The following C3orf70 variants were observed in gnomAD, a reference collection of about 807,000 sequenced individuals.
C3orf70 encodes the protein chromosome 3 open reading frame 70.
C3orf70 carries 15 observed loss-of-function variants against 20.7 expected under a neutral mutation model. The observed-to-expected ratio is 0.72, with a 90% confidence interval of 0.48 to 1.11. C3orf70 has a LOEUF of 1.11. C3orf70 is among the 50% of genes most tolerant of loss of function. The pLI is 0.00. For missense variants in C3orf70, 332 were observed against 317.6 expected (o/e 1.05, Z -0.34); for synonymous variants, 161 against 125.7 (o/e 1.28, Z -1.88).
intron 1 of C3orf70, among the ~76,000 whole-genome samples, chr3:185,105,173 T>C (rs1057390885): frequency 3.3e-5 from 5 of 152,244 alleles, no homozygotes; most frequent in Admixed American, 6.5e-5. Flanking sequence ...ATAGGTTAAG[T>C]AGATGTTAGG....
rs1715305941 is a variant in C3orf70, at chr3:185,080,353, T to C, written c.*2654A>G. 1 of 152,662 alleles carries C rather than the reference T, an allele frequency of 6.6e-6. No homozygotes were observed. The highest frequency in any genetic ancestry group is 6.5e-5 in the Admixed American group (1 of 15,284). 9.5% of individuals were successfully genotyped at this position (152,662 alleles called of 1,614,324 possible). A position where few individuals can be genotyped will look rare whatever the true frequency, so the allele number is the denominator to read the frequency against. On this transcript the variant is annotated 3_prime_UTR_variant, in exon 2 of 2. Coordinates refer to ENST00000335012, the MANE Select transcript of C3orf70 (RefSeq NM_001025266.3). ...TCAGGAGTCTAAAAAAACAGGAACC[T>C]AGACAGAAGTCTTAGATGGTACTGA...
At chr3:185,121,495 A>G (rs560732493) in intron 1 of C3orf70, among the ~76,000 whole-genome samples, 18 of 152,352 alleles carry the variant, frequency 1.2e-4, no homozygotes, top group African/African-American at 4.3e-4. Context: ...TTATTATAGC[A>G]TGAGAGGCTG....
chr3:185,137,559 T>C (rs987987587), intron 1 of C3orf70, among the ~76,000 whole-genome samples: 3 of 151,992 alleles, frequency 2.0e-5, no homozygotes, highest in Non-Finnish European at 4.4e-5. Flanking sequence ...CCTCAACAAT[T>C]TCAAAAGAAT....
intron 1 of C3orf70, among the ~76,000 whole-genome samples, chr3:185,145,017 G>A (rs1716828855): frequency 6.6e-6 from 1 of 152,188 alleles, no homozygotes; most frequent in Non-Finnish European, 1.5e-5. Flanking sequence ...TTCAAACACA[G>A]GTGCTCTTTG....
At chr3:185,124,821 TAA>T (rs1389451360) in intron 1 of C3orf70, among the ~76,000 whole-genome samples, 2 of 152,132 alleles carry the variant, frequency 1.3e-5, no homozygotes, top group African/African-American at 2.4e-5. Flanking sequence ...TAAAAAAAAT[TAA>T]AAAGTTTTTT....
At chr3:185,138,353 C>T (rs1418165483) in intron 1 of C3orf70, among the ~76,000 whole-genome samples, 1 of 151,756 alleles carries the variant, frequency 6.6e-6, no homozygotes, top group African/African-American at 2.4e-5. Flanking sequence ...ACCAGTTCTG[C>T]ACATTTTCAT....
chr3:185,106,754 C>G (rs990790721), intron 1 of C3orf70, among the ~76,000 whole-genome samples: 8 of 152,210 alleles, frequency 5.3e-5, no homozygotes, highest in African/African-American at 1.9e-4. Context: ...GCCTGGGGAA[C>G]CCCCCGCAAA....
intron 1 of C3orf70, among the ~76,000 whole-genome samples, chr3:185,103,715 G>A (rs927709610): frequency 6.6e-6 from 1 of 152,142 alleles, no homozygotes; most frequent in Admixed American, 6.5e-5. Context: ...CCTCGGAGAA[G>A]CAGCCTGCCT....
chr3:185,103,126 T>TC (rs1715854961), intron 1 of C3orf70, among the ~76,000 whole-genome samples: 1 of 152,084 alleles, frequency 6.6e-6, no homozygotes, highest in Non-Finnish European at 1.5e-5. Context: ...CTGCCTGTAA[T>TC]CCCAGCTACT....
intron 1 of C3orf70, among the ~76,000 whole-genome samples, chr3:185,140,859 T>G (rs1716736175): frequency 6.7e-6 from 1 of 149,622 alleles, no homozygotes; most frequent in African/African-American, 2.5e-5. Context: ...TCCCAGCTAC[T>G]TGGGAGGCTG....
chr3:185,143,511 TG>T (rs574253936), intron 1 of C3orf70, among the ~76,000 whole-genome samples: 5 of 152,030 alleles, frequency 3.3e-5, no homozygotes, highest in Admixed American at 2.0e-4. Context: ...CAGATACAGC[TG>T]GGGGGGTGTT....
Position 185,126,509 on chromosome 3 carries a change from A to C in C3orf70, c.196+26119T>G, listed in dbSNP as rs573672722. Reference sequence around the variant, plus strand: ...ACTTCCCTGGGTGCCTCTAGATACAAGCAGCCAGGAAGAAATACGTGAGAA... The same window carrying C: ...ACTTCCCTGGGTGCCTCTAGATACACGCAGCCAGGAAGAAATACGTGAGAA... On this transcript the variant is annotated intron_variant, in intron 1 of 1. Coordinates refer to ENST00000335012, the MANE Select transcript of C3orf70 (RefSeq NM_001025266.3). 3.9e-5 allele frequency among the ~76,000 whole-genome samples: 6 copies of C among 152,320 alleles called. No individual in the cohort carries two copies. The South Asian group carries it at 1.2e-3, about 32-fold the overall frequency.
rs751380214 is a variant in C3orf70, at chr3:185,077,359, G to C, written c.*5648C>G. Among the ~76,000 whole-genome samples the C allele has an allele frequency of 6.6e-6, 1 of 152,146 alleles. No homozygotes were observed. Among genetic ancestry groups the C allele is most frequent in the Non-Finnish European group, 1.5e-5 (1 of 68,022 alleles). On this transcript the variant is annotated 3_prime_UTR_variant, in exon 2 of 2. Coordinates refer to ENST00000335012, the MANE Select transcript of C3orf70 (RefSeq NM_001025266.3). The stretch of plus-strand genomic sequence containing the variant: ...AACCCTGACTGCCACTCATGTACGA[G>C]CTGTGCCACACTGGGTAAAGATGTG...
chr3:185,144,265 T>G (rs948701445), intron 1 of C3orf70, among the ~76,000 whole-genome samples: 3 of 152,070 alleles, frequency 2.0e-5, no homozygotes, highest in African/African-American at 7.2e-5. Flanking sequence ...ACATGAAAAC[T>G]GAAAGACGGG....
chr3:185,143,981 AACACACACAC>A (rs34762767), intron 1 of C3orf70, among the ~76,000 whole-genome samples: 2 of 148,844 alleles, frequency 1.3e-5, no homozygotes, highest in African/African-American at 2.5e-5. Context: ...TTCTATGGTA[AACACACACAC>A]ACACACACAC....
Position 185,087,661 on chromosome 3 carries a change from C to T in C3orf70, c.197-4098G>A, listed in dbSNP as rs141430667. Among the ~76,000 whole-genome samples the T allele has an allele frequency of 4.0e-3, 613 of 152,052 alleles. 5 individuals are homozygous for T. Among genetic ancestry groups the T allele is most frequent in the African/African-American group, 0.014 (595 of 41,468 alleles). On this transcript the variant is annotated intron_variant, in intron 1 of 1. Transcript: ENST00000335012. ...TGGTGTTTGCCAGGGACTGGGCATACGGGGGGATGGGGAGTTGTTGTTTAA... is the reference window on the plus strand; with the variant it reads ...TGGTGTTTGCCAGGGACTGGGCATATGGGGGGATGGGGAGTTGTTGTTTAA...
chr3:185,131,082 G>T (rs1716513436), intron 1 of C3orf70, among the ~76,000 whole-genome samples: 1 of 152,148 alleles, frequency 6.6e-6, no homozygotes, highest in Non-Finnish European at 1.5e-5. Context: ...CACCAACAAT[G>T]CATGAGGGTT....
intron 1 of C3orf70, among the ~76,000 whole-genome samples, chr3:185,136,920 AC>A (rs1432290708): frequency 1.9e-5 from 1 of 51,502 alleles, no homozygotes; most frequent in African/African-American, 4.4e-5. Context: ...AACAACAACA[AC>A]AACAACAACA....
At chr3:185,091,308 G>GACAGTCGA (rs1715565350) in intron 1 of C3orf70, among the ~76,000 whole-genome samples, 1 of 152,096 alleles carries the variant, frequency 6.6e-6, no homozygotes, top group South Asian at 2.1e-4. Flanking sequence ...TTTGGGGTTA[G>GACAGTCGA]ACAGTCGATC....
Sources: allele counts gnomAD v4.1 joint callset (sites outside exome capture counted in the v4.1 genomes callset), GRCh38; gene constraint gnomAD v4.1.1; transcripts MANE v1.5; gene names NCBI Gene and HGNC (gene_info 2026-07-23, HGNC 2026-07-21).